The following RMI1 variants were observed in gnomAD, a reference collection of about 807,000 sequenced individuals.
The protein encoded by RMI1 is recQ-mediated genome instability protein 1.
In RMI1, 36 loss-of-function variants were observed where a neutral mutation model predicts 46.7. That is an observed-to-expected ratio of 0.77 (90% CI 0.59 to 1.02). The LOEUF (loss-of-function observed/expected upper bound fraction) is 1.02, where lower values mean the gene tolerates loss of function less well. Among genes scored for constraint, RMI1 ranks in the 50% least tolerant of loss-of-function variants. The pLI is 0.00. For synonymous variants in RMI1, 250 were observed against 252.9 expected, an observed-to-expected ratio of 0.99 and a Z score of 0.11; for missense variants, 676 against 713.7, an observed-to-expected ratio of 0.95 and a Z score of 0.60.
At chr9:83,981,134 G>C (rs1422165813) in intron 1 of RMI1, 3 of 152,384 alleles carry the variant, frequency 2.0e-5, no homozygotes, top group Admixed American at 6.5e-5. Flanking sequence ...GGCCTGCCTT[G>C]CGCCGGGGCG....
At position 84,001,957 on chromosome 9, in the gene RMI1, A is replaced by G; in HGVS notation, c.971A>G (p.Glu324Gly). ...FSLEEALLLE[E>G]TVQKEQMETK... ...CTGGAGGAGGCCTTGCTTTTAGAAGAAACTGTCCAGAAAGAACAGATGGAA... is the reference window on the plus strand; with the variant it reads ...CTGGAGGAGGCCTTGCTTTTAGAAGGAACTGTCCAGAAAGAACAGATGGAA... Residue 324 changes from glutamate (E) to glycine (G), a missense_variant, in exon 3 of 3, where the codon GAA becomes GGA. Coordinates refer to ENST00000445877, the MANE Select transcript of RMI1 (RefSeq NM_001358291.2). 6.2e-7 allele frequency: 1 copy of G among 1,614,110 alleles called. No individual in the cohort carries two copies. The highest frequency in any genetic ancestry group is 8.5e-7 in the Non-Finnish European group (1 of 1,179,976).
rs149600293 is a variant in RMI1 at position 83,989,502 on chromosome 9, G to T, written c.-126+8611G>T. ...ACAATGGCAAAAAGCCAAATAATCT[G>T]ATTTTTAAAATGGGCAAATGATCTG... On this transcript the variant is annotated intron_variant, in intron 1 of 2. Transcript: ENST00000445877. Among the ~76,000 whole-genome samples, 158 of 152,136 alleles carry T rather than the reference G, an allele frequency of 1.0e-3. 1 individual carries two copies. Among genetic ancestry groups the T allele is most frequent in the Non-Finnish European group, 1.5e-3 (105 of 67,990 alleles).
Position 84,003,061 on chromosome 9 carries a change from TTTA to T in RMI1, c.*198_*200del. 1 of 433,184 alleles carries T rather than the reference TTTA, an allele frequency of 2.3e-6. No individual in the cohort carries two copies. The highest frequency in any genetic ancestry group is 4.3e-6 in the Non-Finnish European group (1 of 235,210). The allele number at this position is 433,184 out of a possible 1,614,324, so 26.8% of individuals were successfully genotyped here. Reference sequence around the variant, plus strand: ...ATAAGTTAATCTTTTTTTTTTTTTTTTTAATGTCAGGGTATTGCTCTGTTGCCC... The same window carrying T: ...ATAAGTTAATCTTTTTTTTTTTTTTTATGTCAGGGTATTGCTCTGTTGCCC... On this transcript the variant is annotated 3_prime_UTR_variant, in exon 3 of 3. Transcript: ENST00000445877.
intron 1 of RMI1, among the ~76,000 whole-genome samples, chr9:83,982,563 G>A (rs1355393682): frequency 1.3e-5 from 2 of 152,106 alleles, no homozygotes; most frequent in Admixed American, 1.3e-4. Context: ...AGCTACTCAG[G>A]AGGCCGAGGC....
intron 1 of RMI1, among the ~76,000 whole-genome samples, chr9:83,997,465 C>T (rs117382129): frequency 0.013 from 2,013 of 151,644 alleles, 17 homozygotes; most frequent in Non-Finnish European, 0.019. Flanking sequence ...TTACTCCTGA[C>T]TTAAAGCAAG....
In RMI1 at chr9:84,002,342, G is replaced by GA; in HGVS notation, c.1360dup (p.Arg454LysfsTer7). The GA allele has an allele frequency of 6.2e-7, 1 of 1,604,748 alleles. No individual in the cohort carries two copies. Among genetic ancestry groups the GA allele is most frequent in the Non-Finnish European group, 8.5e-7 (1 of 1,172,578 alleles). Reference sequence around the variant, plus strand: ...ATAGAGAGGTGGTCAACTATGTACAGAAAAGGAATTCACAAATTTCTAATG... The same window carrying GA: ...ATAGAGAGGTGGTCAACTATGTACAGAAAAAGGAATTCACAAATTTCTAATG... On this transcript the variant is annotated frameshift_variant, in exon 3 of 3. Coordinates refer to ENST00000445877, the MANE Select transcript of RMI1 (RefSeq NM_001358291.2). LOFTEE classifies it high-confidence loss of function.
At chr9:83,981,875 A>G (rs1018442537) in intron 1 of RMI1, among the ~76,000 whole-genome samples, 1 of 152,166 alleles carries the variant, frequency 6.6e-6, no homozygotes, top group South Asian at 2.1e-4. Flanking sequence ...TTAGAGGAAA[A>G]CTCTTGTTAG....
Position 84,001,784 on chromosome 9 carries a change from A to C in RMI1, c.798A>C (p.Glu266Asp). 1 of 1,614,094 alleles carries C rather than the reference A, an allele frequency of 6.2e-7. No homozygotes were observed. Among genetic ancestry groups the C allele is most frequent in the Non-Finnish European group, 8.5e-7 (1 of 1,179,974 alleles). Residue 266 changes from glutamate (E) to aspartate (D), a missense_variant, in exon 3 of 3, where the codon GAA becomes GAC. Coordinates refer to ENST00000445877, the MANE Select transcript of RMI1 (RefSeq NM_001358291.2). ...CAGCAAATAATGACACTTCCTCAGA[A>C]CGATGTTTCACCACAGGTAGTTCCT... ...ELTANNDTSS[E>D]RCFTTGSSSN... is the part of the protein sequence containing the mutation.
Position 84,001,865 on chromosome 9 carries a change from A to C in RMI1, c.879A>C (p.Pro293=), listed in dbSNP as rs773327019. ...SSFEPEFVIS[P]RPKEEPSNLS... Reference sequence around the variant, plus strand: ...TTGAGCCAGAATTTGTTATTTCTCCAAGACCAAAAGAGGAACCATCAAACC... The same window carrying C: ...TTGAGCCAGAATTTGTTATTTCTCCCAGACCAAAAGAGGAACCATCAAACC... Residue 293 remains proline, a synonymous_variant, in exon 3 of 3, where the codon CCA becomes CCC. Coordinates refer to ENST00000445877, the MANE Select transcript of RMI1 (RefSeq NM_001358291.2). 3 of 1,614,028 alleles carry C rather than the reference A, an allele frequency of 1.9e-6. No homozygotes were observed. The highest frequency in any genetic ancestry group is 2.5e-6 in the Non-Finnish European group (3 of 1,179,940).
At chr9:83,984,660 C>G (rs1445310300) in intron 1 of RMI1, among the ~76,000 whole-genome samples, 1 of 152,084 alleles carries the variant, frequency 6.6e-6, no homozygotes, top group Non-Finnish European at 1.5e-5. Context: ...CTCCTTGGTT[C>G]AAACGATTCT....
chr9:83,995,339 A>G (rs1470086507), intron 1 of RMI1, among the ~76,000 whole-genome samples: 1 of 148,078 alleles, frequency 6.8e-6, no homozygotes, highest in African/African-American at 2.5e-5. Context: ...CACCTCTTCT[A>G]TTTTTTCTTT....
At chr9:83,998,993 TAGCC>T (rs988022542) in intron 1 of RMI1, among the ~76,000 whole-genome samples, 2 of 151,928 alleles carry the variant, frequency 1.3e-5, no homozygotes, top group Admixed American at 6.6e-5. Flanking sequence ...ATACAAAAAG[TAGCC>T]AGGTGTGGTG....
intron 1 of RMI1, chr9:83,993,031 A>T (rs1429154574): frequency 6.8e-6 from 1 of 146,570 alleles, no homozygotes; most frequent in Non-Finnish European, 1.5e-5. Flanking sequence ...TGAGTAGCCT[A>T]AAAAAAAAAA....
chr9:84,001,958 A>G lies in RMI1; in HGVS notation c.972A>G (p.Glu324=), dbSNP rs566609067. 6.2e-7 allele frequency: 1 copy of G among 1,614,104 alleles called. No individual in the cohort carries two copies. The highest frequency in any genetic ancestry group is 1.7e-5 in the Admixed American group (1 of 60,014). Residue 324 remains glutamate (E), a synonymous_variant, in exon 3 of 3, where the codon GAA becomes GAG. Coordinates refer to ENST00000445877, the MANE Select transcript of RMI1 (RefSeq NM_001358291.2). ...FSLEEALLLE[E]TVQKEQMETK... ...TGGAGGAGGCCTTGCTTTTAGAAGA[A>G]ACTGTCCAGAAAGAACAGATGGAAA...
intron 1 of RMI1, among the ~76,000 whole-genome samples, chr9:83,997,651 A>G (rs925511187): frequency 1.6e-4 from 25 of 152,170 alleles, no homozygotes; most frequent in African/African-American, 6.0e-4. Context: ...AGCACTTACT[A>G]TCATGAGAGC....
chr9:84,002,312 A>G lies in RMI1; in HGVS notation c.1326A>G (p.Ile442Met), dbSNP rs1193285107. Residue 442 changes from isoleucine (I) to methionine (M), a missense_variant, in exon 3 of 3, where the codon ATA becomes ATG. Physicochemically the swap from Ile to Met is conservative, Grantham distance 10. Coordinates refer to ENST00000445877, the MANE Select transcript of RMI1 (RefSeq NM_001358291.2). ...ATAGCCATTCCTTAAATAATAAAAT[A>G]TTAAATAGAGAGGTGGTCAACTATG... ...SSDSHSLNNKILNREVVNYVQ... is the reference protein window; with the variant it reads ...SSDSHSLNNKMLNREVVNYVQ... The G allele has an allele frequency of 6.3e-7, 1 of 1,599,868 alleles. No homozygotes were observed. Among genetic ancestry groups the G allele is most frequent in the Non-Finnish European group, 8.6e-7 (1 of 1,169,386 alleles).
chr9:83,986,267 G>A (rs1347931432), intron 1 of RMI1, among the ~76,000 whole-genome samples: 1 of 152,164 alleles, frequency 6.6e-6, no homozygotes, highest in East Asian at 1.9e-4. Flanking sequence ...ATTTGATTTT[G>A]TAAATGAAAC....
Position 84,000,858 on chromosome 9 carries a change from T to A in RMI1, c.-36-93T>A, listed in dbSNP as rs1045366430. Reference sequence around the variant, plus strand: ...GTAAGATGCTGAAGAGTGAAAAATCTAAAGGGTGTGCCTGTCTGTGCATTG... The same window carrying A: ...GTAAGATGCTGAAGAGTGAAAAATCAAAAGGGTGTGCCTGTCTGTGCATTG... On this transcript the variant is annotated intron_variant, in intron 2 of 2. Transcript: ENST00000445877. The A allele has an allele frequency of 3.2e-5, 21 of 648,562 alleles. No individual in the cohort carries two copies. In the South Asian group the frequency reaches 4.6e-4, roughly 14 times the overall value. The allele number at this position is 648,562 out of a possible 1,614,324, so 40.2% of individuals were successfully genotyped here. A position where few individuals can be genotyped will look rare whatever the true frequency, so the allele number is the denominator to read the frequency against.
chr9:83,985,624 G>C (rs560513237), intron 1 of RMI1, among the ~76,000 whole-genome samples: 57 of 152,310 alleles, frequency 3.7e-4, no homozygotes, highest in African/African-American at 1.0e-3. Context: ...ACATTTAATG[G>C]AACAGTTTAG....
Sources: gnomAD v4.1 joint callset for allele counts (sites outside exome capture counted in the v4.1 genomes callset) on GRCh38, gnomAD v4.1.1 for gene constraint, MANE v1.5 for transcripts, NCBI Gene and HGNC (gene_info 2026-07-23, HGNC 2026-07-21) for gene names.